The following STARD3NL variants were observed in gnomAD, a reference collection of about 807,000 sequenced individuals.
The protein encoded by STARD3NL is STARD3 N-terminal like, also known as STARD3 N-terminal-like protein.
Under a neutral mutation model 30.9 loss-of-function variants are expected in STARD3NL, and 17 were observed. The ratio of observed to expected loss-of-function variants is 0.55; its 90% CI spans 0.38 to 0.82. The LOEUF (loss-of-function observed/expected upper bound fraction) is 0.82, where lower values mean the gene tolerates loss of function less well. Ranked by LOEUF, STARD3NL falls within the 40% of genes least tolerant of loss-of-function variation. The probability of loss-of-function intolerance (pLI) is 0.00; values close to 1 mark genes in which losing one functional copy is unlikely to be tolerated. For missense variants in STARD3NL, 234 were observed against 277.6 expected, an observed-to-expected ratio of 0.84 and a Z score of 1.12; for synonymous variants, 112 against 100.5, an observed-to-expected ratio of 1.11 and a Z score of -0.69.
intron 1 of STARD3NL, among the ~76,000 whole-genome samples, chr7:38,197,424 C>G (rs1432829323): frequency 6.6e-6 from 1 of 152,002 alleles, no homozygotes; most frequent in Non-Finnish European, 1.5e-5. Flanking sequence ...TGAGGACTCA[C>G]TGTGTTGCCC....
chr7:38,200,207 A>G (rs999962403), intron 1 of STARD3NL, among the ~76,000 whole-genome samples: 1 of 152,126 alleles, frequency 6.6e-6, no homozygotes, highest in East Asian at 1.9e-4. Flanking sequence ...AGCTGGGTAG[A>G]TGTAGTCCTC....
At chr7:38,201,683 C>CTTTTTTTTTTTTTTTTTTTTT (rs991914359) in intron 1 of STARD3NL, 2 of 146,378 alleles carry the variant, frequency 1.4e-5, no homozygotes, top group Admixed American at 6.9e-5. Context: ...ATCCAGATTT[C>CTTTTTTTTTTTTTTTTTTTTT]TTTTTTTTTG....
chr7:38,213,207 C>G (rs1467844508), intron 2 of STARD3NL, among the ~76,000 whole-genome samples: 3 of 152,120 alleles, frequency 2.0e-5, no homozygotes, highest in African/African-American at 2.4e-5. Context: ...TCCGGAGAGA[C>G]AGTAATGAGA....
At chr7:38,185,824 G>A (rs1335058100) in intron 1 of STARD3NL, among the ~76,000 whole-genome samples, 2 of 152,158 alleles carry the variant, frequency 1.3e-5, no homozygotes, top group Non-Finnish European at 2.9e-5. Context: ...CCTTCTTTGG[G>A]ATGAAGGATA....
At chr7:38,221,680 C>T (rs1786470934) in intron 7 of STARD3NL, among the ~76,000 whole-genome samples, 1 of 152,174 alleles carries the variant, frequency 6.6e-6, no homozygotes, top group African/African-American at 2.4e-5. Flanking sequence ...TTGGTCATGC[C>T]AGTCCCCTGC....
chr7:38,212,703 G>A (rs1035605995), intron 2 of STARD3NL, among the ~76,000 whole-genome samples: 5 of 152,154 alleles, frequency 3.3e-5, no homozygotes, highest in Non-Finnish European at 4.4e-5. Context: ...CATGGAAGGC[G>A]GTGGGAATAG....
intron 1 of STARD3NL, among the ~76,000 whole-genome samples, chr7:38,203,069 A>G (rs1785266207): frequency 6.6e-6 from 1 of 152,198 alleles, no homozygotes; most frequent in South Asian, 2.1e-4. Context: ...GCAGGATATT[A>G]TCCAGGAGAA....
chr7:38,187,082 G>A (rs1358919496), intron 1 of STARD3NL, among the ~76,000 whole-genome samples: 1 of 152,038 alleles, frequency 6.6e-6, no homozygotes, highest in Non-Finnish European at 1.5e-5. Context: ...GGCCCATCTT[G>A]AGAGAGACTT....
intron 2 of STARD3NL, among the ~76,000 whole-genome samples, chr7:38,212,821 G>A (rs1288504783): frequency 6.6e-6 from 1 of 152,180 alleles, no homozygotes; most frequent in East Asian, 1.9e-4. Flanking sequence ...AAAGTTTCCA[G>A]TGATGAACTC....
At chr7:38,224,878 A>G (rs147152508) in intron 7 of STARD3NL, among the ~76,000 whole-genome samples, 7 of 152,196 alleles carry the variant, frequency 4.6e-5, no homozygotes, top group East Asian at 3.8e-4. Context: ...TCTTATGGCA[A>G]ACTTTTTCAT....
In STARD3NL at chr7:38,210,287, G is replaced by C. The variant is rs1250052993; in HGVS notation, c.225+2558G>C. On this transcript the variant is annotated intron_variant, in intron 2 of 8. Transcript: ENST00000009041. Reference sequence around the variant, plus strand: ...ATGGCACATAATCTTATACTGCCTTGTGATGTAGTCTTTAAAAGAAGAAAG... The same window carrying C: ...ATGGCACATAATCTTATACTGCCTTCTGATGTAGTCTTTAAAAGAAGAAAG... Among the ~76,000 whole-genome samples, 3 of 152,342 alleles carry C rather than the reference G, an allele frequency of 2.0e-5. No homozygotes were observed. The East Asian group carries it at 5.8e-4, about 29-fold the overall frequency.
intron 2 of STARD3NL, among the ~76,000 whole-genome samples, chr7:38,210,289 G>C (rs1410198218): frequency 6.6e-6 from 1 of 152,228 alleles, no homozygotes; most frequent in Non-Finnish European, 1.5e-5. Context: ...ACTGCCTTGT[G>C]ATGTAGTCTT....
chr7:38,193,338 G>T (rs564904016), intron 1 of STARD3NL, among the ~76,000 whole-genome samples: 3 of 151,898 alleles, frequency 2.0e-5, no homozygotes, highest in East Asian at 3.9e-4. Context: ...TCGCTCTGTC[G>T]CTCAGGCTGG....
intron 7 of STARD3NL, among the ~76,000 whole-genome samples, chr7:38,224,965 G>A (rs1256597348): frequency 1.3e-5 from 2 of 152,146 alleles, no homozygotes; most frequent in Non-Finnish European, 2.9e-5. Flanking sequence ...CCAGGGATAA[G>A]GGAGATTACT....
At chr7:38,191,313 A>T (rs1197113448) in intron 1 of STARD3NL, among the ~76,000 whole-genome samples, 1 of 152,182 alleles carries the variant, frequency 6.6e-6, no homozygotes, top group Non-Finnish European at 1.5e-5. Flanking sequence ...TGGAATTTTT[A>T]AATTTGTCCA....
At chr7:38,186,927 A>C (rs1485637561) in intron 1 of STARD3NL, among the ~76,000 whole-genome samples, 2 of 152,190 alleles carry the variant, frequency 1.3e-5, no homozygotes, top group African/African-American at 4.8e-5. Context: ...AGGAGAAACC[A>C]CTGTGAGAAT....
intron 1 of STARD3NL, among the ~76,000 whole-genome samples, chr7:38,203,973 A>G (rs1281791852): frequency 6.6e-6 from 1 of 152,248 alleles, no homozygotes; most frequent in East Asian, 1.9e-4. Flanking sequence ...ACCCAGATTC[A>G]TAAACATAAA....
At chr7:38,182,464 G>A (rs1784289894) in intron 1 of STARD3NL, among the ~76,000 whole-genome samples, 1 of 152,148 alleles carries the variant, frequency 6.6e-6, no homozygotes, top group African/African-American at 2.4e-5. Flanking sequence ...AGAGAGACTA[G>A]CCCTGTGTTA....
intron 8 of STARD3NL, among the ~76,000 whole-genome samples, chr7:38,229,450 A>G (rs1190341153): frequency 6.6e-6 from 1 of 152,274 alleles, no homozygotes; most frequent in Non-Finnish European, 1.5e-5. Flanking sequence ...AGTGGAACAC[A>G]TTGTTAAATC....
Sources: allele counts gnomAD v4.1 joint callset (sites outside exome capture counted in the v4.1 genomes callset), GRCh38; gene constraint gnomAD v4.1.1; transcripts MANE v1.5; gene names NCBI Gene and HGNC (gene_info 2026-07-23, HGNC 2026-07-21).